Variants in GFRA1 observed in about 807,000 individuals in gnomAD.
The protein encoded by GFRA1 is GDNF family receptor alpha-1.
A neutral mutation model predicts 51.6 loss-of-function variants in GFRA1; 16 were observed. That is an observed-to-expected ratio of 0.31 (90% CI 0.21 to 0.47). GFRA1 has a LOEUF of 0.47. Among genes scored for constraint, GFRA1 ranks in the 20% least tolerant of loss-of-function variants. The probability of loss-of-function intolerance (pLI) is 1.00; values close to 1 mark genes in which losing one functional copy is unlikely to be tolerated. For missense variants in GFRA1, 530 were observed against 594.3 expected, an observed-to-expected ratio of 0.89 and a Z score of 1.13; for synonymous variants, 270 against 241.3, an observed-to-expected ratio of 1.12 and a Z score of -1.10.
chr10:116,245,300 G>C (rs1417865520), intron 4 of GFRA1, among the ~76,000 whole-genome samples: 1 of 152,128 alleles, frequency 6.6e-6, no homozygotes, highest in Non-Finnish European at 1.5e-5. Flanking sequence ...ATACACAGAT[G>C]GCAAATAAGC....
chr10:116,070,937 C>A (rs1955361333), intron 9 of GFRA1, among the ~76,000 whole-genome samples: 1 of 152,140 alleles, frequency 6.6e-6, no homozygotes, highest in South Asian at 2.1e-4. Flanking sequence ...AACTTGGTAA[C>A]AATCACTTGC....
At chr10:116,264,600 A>C (rs1425961889) in intron 4 of GFRA1, among the ~76,000 whole-genome samples, 1 of 152,218 alleles carries the variant, frequency 6.6e-6, no homozygotes, top group Non-Finnish European at 1.5e-5. Context: ...GATTCCAGCA[A>C]AGGCCTTCAG....
intron 4 of GFRA1, among the ~76,000 whole-genome samples, chr10:116,232,946 T>C (rs573846694): frequency 2.6e-4 from 39 of 152,338 alleles, no homozygotes; most frequent in African/African-American, 8.7e-4. Flanking sequence ...TATAGATTGC[T>C]AGTTCAGGCC....
upstream of GFRA1, among the ~76,000 whole-genome samples, chr10:116,274,054 C>G (rs1265078731): frequency 6.6e-6 from 1 of 152,220 alleles, no homozygotes; most frequent in African/African-American, 2.4e-5. Context: ...AAGCTGACCT[C>G]CATTTTGGCT....
chr10:116,197,312 G>A (rs984176856), intron 5 of GFRA1, among the ~76,000 whole-genome samples: 1 of 152,110 alleles, frequency 6.6e-6, no homozygotes, highest in Non-Finnish European at 1.5e-5. Flanking sequence ...ACAGCTAGAA[G>A]GTGCCACCTC....
At chr10:116,112,172 C>T (rs753358554) in intron 6 of GFRA1, among the ~76,000 whole-genome samples, 15 of 152,114 alleles carry the variant, frequency 9.9e-5, no homozygotes, top group Non-Finnish European at 2.1e-4. Context: ...TTTGTCCATT[C>T]GATTTTGCCT....
At chr10:116,106,489 A>G (rs1160028445) in intron 6 of GFRA1, among the ~76,000 whole-genome samples, 1 of 152,168 alleles carries the variant, frequency 6.6e-6, no homozygotes, top group African/African-American at 2.4e-5. Flanking sequence ...CTGAAACGTG[A>G]TCCCCAGTGT....
chr10:116,196,384 G>C (rs1472092337), intron 5 of GFRA1, among the ~76,000 whole-genome samples: 1 of 150,220 alleles, frequency 6.7e-6, no homozygotes, highest in East Asian at 1.9e-4. Flanking sequence ...AGCTACTAGG[G>C]AGGCTGAGGC....
chr10:116,225,717 G>C (rs1423912314), intron 4 of GFRA1, among the ~76,000 whole-genome samples: 4 of 151,222 alleles, frequency 2.6e-5, no homozygotes, highest in Admixed American at 6.6e-5. Context: ...AGCTCCCCAA[G>C]GAGCTGGGAT....
At chr10:116,212,917 A>C (rs1010508056) in intron 4 of GFRA1, among the ~76,000 whole-genome samples, 3 of 152,178 alleles carry the variant, frequency 2.0e-5, no homozygotes, top group African/African-American at 7.2e-5. Context: ...ACATGGATTC[A>C]GGTTCACCCT....
chr10:116,106,314 T>A (rs1170440837), intron 6 of GFRA1, among the ~76,000 whole-genome samples: 1 of 152,212 alleles, frequency 6.6e-6, no homozygotes, highest in Non-Finnish European at 1.5e-5. Flanking sequence ...AAAAGACTAC[T>A]AAAAAGCAGT....
chr10:116,093,632 A>G, intron 8 of GFRA1, 70 bp downstream of exon 8: 2 of 1,379,458 alleles, frequency 1.4e-6, no homozygotes, highest in East Asian at 4.6e-5. Flanking sequence ...CACAAGGTAC[A>G]AGAGGTACAG....
intron 5 of GFRA1, among the ~76,000 whole-genome samples, chr10:116,148,718 T>C (rs1040657410): frequency 2.0e-5 from 3 of 152,112 alleles, no homozygotes; most frequent in Non-Finnish European, 4.4e-5. Flanking sequence ...ATCATTTCCA[T>C]GTGATGGCTT....
intron 5 of GFRA1, among the ~76,000 whole-genome samples, chr10:116,144,567 AT>A (rs1273985367): frequency 2.5e-4 from 38 of 152,270 alleles, no homozygotes; most frequent in African/African-American, 8.4e-4. Flanking sequence ...CATAATCTAT[AT>A]GTATGAATTG....
At chr10:116,197,232 T>C (rs73370490) in intron 5 of GFRA1, among the ~76,000 whole-genome samples, 3,568 of 152,078 alleles carry the variant, frequency 0.023, 153 homozygotes, top group African/African-American at 0.082. Flanking sequence ...CCTTCAGGAA[T>C]GAGATTAGGG....
In GFRA1 at chr10:116,061,794, G is replaced by C; in HGVS notation, c.*2604C>G. On this transcript the variant is annotated 3_prime_UTR_variant, in exon 11 of 11. Transcript: ENST00000355422. ...CCAAGAAGAAGTGAGACAGGTAAAT[G>C]ATTTAACTTATTGTGCTCCAGTTCT... 2.5e-6 allele frequency: 1 copy of C among 393,620 alleles called. No individual in the cohort carries two copies. The highest frequency in any genetic ancestry group is 4.5e-6 in the Non-Finnish European group (1 of 223,306). 24.4% of individuals were successfully genotyped at this position (393,620 alleles called of 1,614,324 possible).
At chr10:116,255,583 T>C in intron 4 of GFRA1, 1 of 1,288,226 alleles carries the variant, frequency 7.8e-7, no homozygotes, top group Non-Finnish European at 1.0e-6. Flanking sequence ...ATTAATTTTC[T>C]CTGCTGGCTG....
intron 3 of GFRA1, 149 bp downstream of exon 3, chr10:116,270,673 G>C (rs573536617): frequency 1.5e-6 from 1 of 660,846 alleles, no homozygotes; most frequent in African/African-American, 1.8e-5. Context: ...GCAAACACCA[G>C]CTGCCGTTGT....
intron 4 of GFRA1, among the ~76,000 whole-genome samples, chr10:116,234,416 G>A (rs930981600): frequency 5.3e-5 from 8 of 152,134 alleles, no homozygotes; most frequent in Non-Finnish European, 1.2e-4. Flanking sequence ...TGAAACAGGT[G>A]TTTTTGAATC....
Sources: allele counts gnomAD v4.1 joint callset (sites outside exome capture counted in the v4.1 genomes callset), GRCh38; gene constraint gnomAD v4.1.1; transcripts MANE v1.5; gene names NCBI Gene and HGNC (gene_info 2026-07-23, HGNC 2026-07-21).